The following CENPP variants were observed in gnomAD, a reference collection of about 807,000 sequenced individuals.
CENPP encodes centromere protein P.
A neutral mutation model predicts 35.6 loss-of-function variants in CENPP; 24 were observed. The observed-to-expected ratio is 0.67, with a 90% CI of 0.49 to 0.95. The LOEUF (loss-of-function observed/expected upper bound fraction) is 0.95. Among genes scored for constraint, CENPP ranks in the 40% least tolerant of loss-of-function variants. The pLI is 0.00. For synonymous variants in CENPP, 120 were observed against 125.5 expected (o/e 0.96, Z 0.29); for missense variants, 332 against 345.3 (o/e 0.96, Z 0.31).
At chr9:92,597,762 C>G (rs1045698187) in intron 5 of CENPP, among the ~76,000 whole-genome samples, 3 of 152,206 alleles carry the variant, frequency 2.0e-5, no homozygotes, top group Non-Finnish European at 4.4e-5. Flanking sequence ...CTTAAAATTA[C>G]TACATGATTA....
chr9:92,339,374 A>G (rs1383973021), intron 3 of CENPP, among the ~76,000 whole-genome samples: 3 of 152,134 alleles, frequency 2.0e-5, no homozygotes, highest in East Asian at 1.9e-4. Context: ...ACTAGTCCCA[A>G]GGATTTGGTA....
chr9:92,337,439 C>T, intron 2 of CENPP, 102 bp from the exon 3 acceptor site: 1 of 703,242 alleles, frequency 1.4e-6, no homozygotes, highest in Non-Finnish European at 2.6e-6. Context: ...CACTTTCACA[C>T]ATATACCCAC....
intron 5 of CENPP, among the ~76,000 whole-genome samples, chr9:92,409,576 TATTG>T (rs1843393213): frequency 6.6e-6 from 1 of 152,218 alleles, no homozygotes. Context: ...CAACCAGTAT[TATTG>T]TGAACAAATT....
At chr9:92,475,793 G>A (rs897295932) in intron 5 of CENPP, among the ~76,000 whole-genome samples, 33 of 152,010 alleles carry the variant, frequency 2.2e-4, no homozygotes, top group Admixed American at 2.2e-3. Flanking sequence ...ACTGTCTGAT[G>A]TCCAGACTAT....
chr9:92,424,879 T>C (rs1843920189), intron 5 of CENPP, among the ~76,000 whole-genome samples: 1 of 151,948 alleles, frequency 6.6e-6, no homozygotes, highest in Non-Finnish European at 1.5e-5. Flanking sequence ...TTTCACCATG[T>C]TGGCCAGGCT....
intron 5 of CENPP, among the ~76,000 whole-genome samples, chr9:92,565,672 C>T (rs920304745): frequency 2.6e-5 from 4 of 152,272 alleles, no homozygotes; most frequent in South Asian, 2.1e-4. Context: ...AGGATGTAAA[C>T]GGCTAGCACC....
chr9:92,572,828 A>G lies in CENPP; in HGVS notation c.565-38486A>G, dbSNP rs545232131. 1.5e-3 allele frequency among the ~76,000 whole-genome samples: 221 copies of G among 151,860 alleles called. 8 individuals are homozygous for G. The South Asian group carries it at 0.045, about 31-fold the overall frequency. On this transcript the variant is annotated intron_variant, in intron 5 of 7. Coordinates refer to ENST00000375587, the MANE Select transcript of CENPP (RefSeq NM_001012267.3). The stretch of plus-strand genomic sequence containing the variant: ...TTCTCTAAACTTCTCTTCTCACTTC[A>G]TTTCATTCATTTGATCTTCAATCAC...
chr9:92,559,843 C>G (rs1849810184), intron 5 of CENPP, among the ~76,000 whole-genome samples: 1 of 152,166 alleles, frequency 6.6e-6, no homozygotes, highest in Non-Finnish European at 1.5e-5. Flanking sequence ...ATAAGGGAAG[C>G]TCTACCTTAG....
At chr9:92,509,622 G>A (rs1363446894) in intron 5 of CENPP, among the ~76,000 whole-genome samples, 1 of 152,156 alleles carries the variant, frequency 6.6e-6, no homozygotes, top group Non-Finnish European at 1.5e-5. Flanking sequence ...AGATATTTTG[G>A]ATTTGTAGTA....
intron 5 of CENPP, chr9:92,522,745 C>G: frequency 6.2e-7 from 1 of 1,614,146 alleles, no homozygotes; most frequent in Non-Finnish European, 8.5e-7. Flanking sequence ...TGAGGTTGAA[C>G]TTTTCCTCAA....
In CENPP at chr9:92,527,003, A is replaced by ATTAT. The variant is rs554133945; in HGVS notation, c.565-84291_565-84288dup. ...ACCTTTCCTATGTGTAGATATGTTT[A>ATTAT]TTATTTATTTATTTATTTATTTAGA... On this transcript the variant is annotated intron_variant, in intron 5 of 7. Transcript: ENST00000375587. Among the ~76,000 whole-genome samples the ATTAT allele has an allele frequency of 7.6e-3, 1,132 of 149,454 alleles. 15 individuals are homozygous for ATTAT. Among genetic ancestry groups the ATTAT allele is most frequent in the African/African-American group, 0.025 (1,027 of 40,586 alleles).
chr9:92,609,865 C>T (rs568117583), intron 5 of CENPP, among the ~76,000 whole-genome samples: 96 of 151,030 alleles, frequency 6.4e-4, no homozygotes, highest in African/African-American at 2.3e-3. Flanking sequence ...CTCAGCCTCC[C>T]GAGTAGCTGG....
chr9:92,580,727 A>G (rs1359064491), intron 5 of CENPP, among the ~76,000 whole-genome samples: 1 of 152,146 alleles, frequency 6.6e-6, no homozygotes, highest in Non-Finnish European at 1.5e-5. Context: ...CGGTCTATCA[A>G]TTTTGTTGAT....
intron 5 of CENPP, among the ~76,000 whole-genome samples, chr9:92,598,830 A>G (rs933840518): frequency 9.2e-5 from 14 of 151,544 alleles, no homozygotes; most frequent in African/African-American, 3.4e-4. Flanking sequence ...CAAGGAGGCC[A>G]GGCGCAGTGG....
intron 1 of CENPP, among the ~76,000 whole-genome samples, chr9:92,330,008 T>A (rs1840691801): frequency 6.6e-6 from 1 of 152,240 alleles, no homozygotes; most frequent in Admixed American, 6.5e-5. Flanking sequence ...CAGACTTTAT[T>A]AAGTCTTGGA....
chr9:92,431,501 G>T (rs766733018), intron 5 of CENPP, among the ~76,000 whole-genome samples: 1 of 152,030 alleles, frequency 6.6e-6, no homozygotes, highest in South Asian at 2.1e-4. Flanking sequence ...ACATCTTTTC[G>T]AATGTTTTTC....
At chr9:92,455,609 T>C (rs1422349685) in intron 5 of CENPP, among the ~76,000 whole-genome samples, 5 of 152,054 alleles carry the variant, frequency 3.3e-5, no homozygotes, top group African/African-American at 1.2e-4. Context: ...AATCCAAACC[T>C]CCATCTCTTG....
At position 92,616,793 on chromosome 9, in the gene CENPP, G is replaced by A. The variant is rs533054291; in HGVS notation, c.*3644G>A. On this transcript the variant is annotated 3_prime_UTR_variant, in exon 8 of 8. Transcript: ENST00000375587. The stretch of plus-strand genomic sequence containing the variant: ...CTGACTGCTGTGTGTCCCGCTTTTC[G>A]TCTCCGGGCACTCAGCGCACAGCAC... 1.3e-5 allele frequency: 2 copies of A among 152,358 alleles called. No homozygotes were observed. The highest frequency in any genetic ancestry group is 2.4e-5 in the African/African-American group (1 of 41,552). 9.4% of individuals were successfully genotyped at this position (152,358 alleles called of 1,614,324 possible).
chr9:92,464,302 G>T (rs1020837187), intron 5 of CENPP, among the ~76,000 whole-genome samples: 22 of 152,106 alleles, frequency 1.4e-4, no homozygotes, highest in Admixed American at 7.9e-4. Flanking sequence ...GCTAGCCTTG[G>T]GTCACACAAA....
Sources: allele counts gnomAD v4.1 joint callset (sites outside exome capture counted in the v4.1 genomes callset), GRCh38; gene constraint gnomAD v4.1.1; transcripts MANE v1.5; gene names NCBI Gene and HGNC (gene_info 2026-07-23, HGNC 2026-07-21).